ESRRB: variants seen among roughly 807,000 people sequenced by gnomAD.
The protein encoded by ESRRB is steroid hormone receptor ERR2.
In ESRRB, 16 loss-of-function variants were observed where a neutral mutation model predicts 46.0. That is an observed-to-expected ratio of 0.35 (90% CI 0.24 to 0.53). The LOEUF (loss-of-function observed/expected upper bound fraction) is 0.53, where lower values mean the gene tolerates loss of function less well. ESRRB is among the 20% of genes least tolerant of loss of function. The probability of loss-of-function intolerance (pLI) is 0.93; values close to 1 mark genes in which losing one functional copy is unlikely to be tolerated. For missense variants in ESRRB, 488 were observed against 607.4 expected (o/e 0.80, Z 2.07); for synonymous variants, 246 against 259.6 (o/e 0.95, Z 0.50).
At chr14:76,463,604 G>A (rs1418259987) in intron 3 of ESRRB, among the ~76,000 whole-genome samples, 10 of 151,458 alleles carry the variant, frequency 6.6e-5, no homozygotes, top group African/African-American at 2.4e-4. Flanking sequence ...CCGCCACCTC[G>A]CCCGGCTAAT....
At chr14:76,474,882 GT>G (rs1434342560) in intron 3 of ESRRB, among the ~76,000 whole-genome samples, 1 of 151,702 alleles carries the variant, frequency 6.6e-6, no homozygotes, top group Non-Finnish European at 1.5e-5. Context: ...CAGACCAGGA[GT>G]TCAAGTCCAG....
At position 76,436,819 on chromosome 14, in the gene ESRRB, C is replaced by T. The variant is rs190159119; in HGVS notation, c.51-2522C>T. 1.4e-3 allele frequency among the ~76,000 whole-genome samples: 213 copies of T among 152,214 alleles called. 1 individual carries two copies. Among genetic ancestry groups the T allele is most frequent in the African/African-American group, 4.7e-3 (195 of 41,510 alleles). On this transcript the variant is annotated intron_variant, in intron 1 of 6. Transcript: ENST00000644823. The stretch of plus-strand genomic sequence containing the variant: ...ACTGGGGCTTATAGGAGAGTGTCTC[C>T]GAGGACTCAGGGACATTCCACAGGA...
chr14:76,318,002 T>C (rs1883822135), intron 1 of ESRRB, among the ~76,000 whole-genome samples: 2 of 152,206 alleles, frequency 1.3e-5, no homozygotes, highest in Admixed American at 6.5e-5. Context: ...TGTCCTCACC[T>C]TCCCCTGTCT....
intron 1 of ESRRB, among the ~76,000 whole-genome samples, chr14:76,412,352 G>A (rs926001201): frequency 6.6e-6 from 1 of 152,204 alleles, no homozygotes; most frequent in Non-Finnish European, 1.5e-5. Context: ...TCCCTTTCTT[G>A]TTTCTTGGTA....
upstream of ESRRB, among the ~76,000 whole-genome samples, chr14:76,373,934 C>T (rs971187896): frequency 3.3e-5 from 5 of 152,332 alleles, no homozygotes; most frequent in Middle Eastern, 3.4e-3. Flanking sequence ...TTGCTCTGGG[C>T]TGTGATGTGG....
intron 2 of ESRRB, among the ~76,000 whole-genome samples, chr14:76,455,873 G>A (rs1397492776): frequency 1.3e-5 from 2 of 152,044 alleles, no homozygotes; most frequent in East Asian, 1.9e-4. Flanking sequence ...GAGAACTCCT[G>A]TCTCTACTAA....
Position 76,414,510 on chromosome 14 carries a change from C to A in ESRRB, c.51-24831C>A, listed in dbSNP as rs139986882. On this transcript the variant is annotated intron_variant, in intron 1 of 6. Coordinates refer to ENST00000644823, the MANE Select transcript of ESRRB (RefSeq NM_001379180.1). ...CTGTGGTTCCTCCCCAGCTCAGTCC[C>A]CTGTGTTGCTGAGCTTGCAGTCTCT... Among the ~76,000 whole-genome samples, 246 of 151,402 alleles carry A rather than the reference C, an allele frequency of 1.6e-3. 1 individual carries two copies. Among genetic ancestry groups the A allele is most frequent in the Admixed American group, 2.8e-3 (42 of 15,212 alleles).
At chr14:76,385,638 G>A (rs1885194237) in intron 1 of ESRRB, among the ~76,000 whole-genome samples, 1 of 152,098 alleles carries the variant, frequency 6.6e-6, no homozygotes, top group Non-Finnish European at 1.5e-5. Context: ...GACTGTTACG[G>A]GGTTCCTACC....
intron 2 of ESRRB, among the ~76,000 whole-genome samples, chr14:76,451,170 A>G (rs994945355): frequency 2.0e-5 from 3 of 152,214 alleles, no homozygotes; most frequent in Admixed American, 1.3e-4. Context: ...TGGGCTGGGA[A>G]AACAGCATGG....
intron 1 of ESRRB, among the ~76,000 whole-genome samples, chr14:76,405,160 G>A (rs772678967): frequency 6.6e-6 from 1 of 152,132 alleles, no homozygotes; most frequent in Non-Finnish European, 1.5e-5. Context: ...GAGTGCAGTG[G>A]CGTGATCAGA....
At position 76,465,868 on chromosome 14, in the gene ESRRB, C is replaced by A. The variant is rs376129244; in HGVS notation, c.577+3207C>A. On this transcript the variant is annotated intron_variant, in intron 3 of 6. Coordinates refer to ENST00000644823, the MANE Select transcript of ESRRB (RefSeq NM_001379180.1). Reference sequence around the variant, plus strand: ...TGAGTACGGACAAAGCAGGGAGCCACGTTTAGTTTCTGTCCCCTGCAGGGC... The same window carrying A: ...TGAGTACGGACAAAGCAGGGAGCCAAGTTTAGTTTCTGTCCCCTGCAGGGC... 1.8e-4 allele frequency among the ~76,000 whole-genome samples: 28 copies of A among 152,344 alleles called. No individual in the cohort carries two copies. In the East Asian group the frequency reaches 4.5e-3, roughly 24 times the overall value.
chr14:76,383,610 T>A (rs979454507), intron 1 of ESRRB, among the ~76,000 whole-genome samples: 1 of 152,214 alleles, frequency 6.6e-6, no homozygotes, highest in Non-Finnish European at 1.5e-5. Flanking sequence ...TGCTGTAGTT[T>A]GCCCTTGTCC....
At chr14:76,337,112 T>C (rs1278060371) in intron 1 of ESRRB, among the ~76,000 whole-genome samples, 2 of 151,976 alleles carry the variant, frequency 1.3e-5, no homozygotes, top group Admixed American at 6.6e-5. Flanking sequence ...GCCAGGCCAG[T>C]GGCTGGCGTG....
chr14:76,469,926 G>GTTTTTTTTTTTTTTTTT (rs1356927268), intron 3 of ESRRB, among the ~76,000 whole-genome samples: 8 of 67,644 alleles, frequency 1.2e-4, no homozygotes, highest in Non-Finnish European at 1.4e-4. Flanking sequence ...TGTGTTTTTT[G>GTTTTTTTTTTTTTTTTT]TTGTTTTTTT....
At chr14:76,433,628 C>T (rs991018605) in intron 1 of ESRRB, among the ~76,000 whole-genome samples, 10 of 152,250 alleles carry the variant, frequency 6.6e-5, no homozygotes, top group East Asian at 1.9e-4. Context: ...ACCCCTGCTC[C>T]GCCCAGTCCT....
chr14:76,327,327 A>G (rs1010173736), intron 1 of ESRRB, among the ~76,000 whole-genome samples: 22 of 152,208 alleles, frequency 1.4e-4, no homozygotes, highest in African/African-American at 4.8e-4. Context: ...AAACTCCTGA[A>G]AAGTGTCTAT....
intron 1 of ESRRB, among the ~76,000 whole-genome samples, chr14:76,319,438 G>T (rs968858242): frequency 1.1e-4 from 16 of 152,300 alleles, no homozygotes; most frequent in South Asian, 2.1e-4. Context: ...CTGGGTGTTT[G>T]TGCACACGTG....
At chr14:76,408,591 C>CAAAAAAAAAA (rs35955826) in intron 1 of ESRRB, among the ~76,000 whole-genome samples, 10 of 42,152 alleles carry the variant, frequency 2.4e-4, no homozygotes, top group African/African-American at 1.1e-3. Context: ...GACCCTGTCT[C>CAAAAAAAAAA]AAAAAAAAAA....
chr14:76,357,638 C>A (rs1243666838), intron 1 of ESRRB, among the ~76,000 whole-genome samples: 1 of 152,156 alleles, frequency 6.6e-6, no homozygotes, highest in East Asian at 1.9e-4. Flanking sequence ...CTCAGTCTTC[C>A]AAGTAGCTGG....
Sources: allele counts gnomAD v4.1 joint callset (sites outside exome capture counted in the v4.1 genomes callset), GRCh38; gene constraint gnomAD v4.1.1; transcripts MANE v1.5; gene names NCBI Gene and HGNC (gene_info 2026-07-23, HGNC 2026-07-21).